CDH13: variants seen among roughly 807,000 people sequenced by gnomAD.
CDH13 encodes cadherin 13.
In CDH13, 24 loss-of-function variants were observed where a neutral mutation model predicts 63.8. That is an observed-to-expected ratio of 0.38 (90% confidence interval 0.27 to 0.53). The LOEUF (loss-of-function observed/expected upper bound fraction) is 0.53, where lower values mean the gene tolerates loss of function less well. Among genes scored for constraint, CDH13 ranks in the 20% least tolerant of loss-of-function variants. The pLI, the probability that CDH13 is intolerant of heterozygous loss-of-function variation, is 0.85. For missense variants in CDH13, 1,049 were observed against 903.1 expected, an observed-to-expected ratio of 1.16 and a Z score of -2.07; for synonymous variants, 503 against 355.3, an observed-to-expected ratio of 1.42 and a Z score of -4.67.
intron 2 of CDH13, among the ~76,000 whole-genome samples, chr16:82,983,413 A>T (rs1910539787): frequency 6.6e-6 from 1 of 152,112 alleles, no homozygotes; most frequent in Admixed American, 6.5e-5. Context: ...ATCTGAACTT[A>T]TATGTCATAG....
chr16:83,551,233 C>T (rs12926232), intron 7 of CDH13, among the ~76,000 whole-genome samples: 3,023 of 152,100 alleles, frequency 0.02, 116 homozygotes, highest in African/African-American at 0.069. Flanking sequence ...AGGTGTACAC[C>T]ACCACACCTG....
chr16:82,920,446 G>C (rs2042119399), intron 2 of CDH13, among the ~76,000 whole-genome samples: 1 of 152,204 alleles, frequency 6.6e-6, no homozygotes, highest in Admixed American at 6.5e-5. Flanking sequence ...AATCAGTGAT[G>C]TGGCCAACAA....
intron 3 of CDH13, among the ~76,000 whole-genome samples, chr16:83,106,733 C>T (rs1312998451): frequency 6.6e-6 from 1 of 152,136 alleles, no homozygotes; most frequent in Non-Finnish European, 1.5e-5. Context: ...ACTGCTCACA[C>T]CCTTCCACTT....
rs567361235 is a variant in CDH13, at chr16:82,947,443, A to T, written c.158-84567A>T. On this transcript the variant is annotated intron_variant, in intron 2 of 13. Coordinates refer to ENST00000567109, the MANE Select transcript of CDH13 (RefSeq NM_001257.5). ...AACGGAAATATTAGATCATGAAATC[A>T]GATATTATCCATACTTCTGTGTTAA... Among the ~76,000 whole-genome samples, 19 of 152,316 alleles carry T rather than the reference A, an allele frequency of 1.2e-4. No individual in the cohort carries two copies. In the South Asian group the frequency reaches 3.9e-3, roughly 32 times the overall value.
intron 5 of CDH13, among the ~76,000 whole-genome samples, chr16:83,271,910 G>C (rs1455840535): frequency 6.6e-6 from 1 of 152,170 alleles, no homozygotes; most frequent in Non-Finnish European, 1.5e-5. Context: ...AAACCTAAGT[G>C]ATCCATATGA....
At chr16:83,518,318 G>C (rs111797096) in intron 7 of CDH13, among the ~76,000 whole-genome samples, 7,318 of 151,114 alleles carry the variant, frequency 0.048, 605 homozygotes, top group African/African-American at 0.17. Flanking sequence ...TAATTTTTTT[G>C]TATTTTTTAG....
At chr16:83,015,650 A>C (rs1750039191) in intron 2 of CDH13, among the ~76,000 whole-genome samples, 1 of 100,210 alleles carries the variant, frequency 1.0e-5, no homozygotes, top group Non-Finnish European at 2.0e-5. Flanking sequence ...TTCAGCTTGC[A>C]GCATATATGT....
In CDH13 at chr16:83,086,518, C is replaced by T. The variant is rs201772450; in HGVS notation, c.367-38867C>T. Among the ~76,000 whole-genome samples the T allele has an allele frequency of 6.6e-5, 10 of 152,300 alleles. No homozygotes were observed. In the East Asian group the frequency reaches 1.4e-3, roughly 21 times the overall value. ...ATCCTTTATCAAGGATTGAGCCAAG[C>T]GGAATCCTTGTCTTTGTTAGTCCAA... On this transcript the variant is annotated intron_variant, in intron 3 of 13. Transcript: ENST00000567109.
At chr16:83,451,689 T>C (rs1368959224) in intron 6 of CDH13, among the ~76,000 whole-genome samples, 1 of 152,186 alleles carries the variant, frequency 6.6e-6, no homozygotes, top group Non-Finnish European at 1.5e-5. Flanking sequence ...AGCTAATTTT[T>C]TACTTTTTTG....
At chr16:83,556,127 T>G (rs568793429) in intron 7 of CDH13, among the ~76,000 whole-genome samples, 12 of 152,330 alleles carry the variant, frequency 7.9e-5, no homozygotes, top group Admixed American at 2.0e-4. Context: ...TCTTTCATGT[T>G]GTGTCTGCCT....
At chr16:83,734,453 A>G (rs1278235348) in intron 10 of CDH13, among the ~76,000 whole-genome samples, 3 of 152,078 alleles carry the variant, frequency 2.0e-5, no homozygotes, top group Non-Finnish European at 4.4e-5. Context: ...GAAATTGGAA[A>G]TCATCATTCT....
intron 1 of CDH13, among the ~76,000 whole-genome samples, chr16:82,689,982 T>C (rs1287624408): frequency 8.2e-4 from 13 of 15,776 alleles, no homozygotes; most frequent in African/African-American, 3.0e-3. Context: ...CCATCTCTAC[T>C]AAAAAAAAAA....
intron 8 of CDH13, among the ~76,000 whole-genome samples, chr16:83,632,084 G>C (rs879482491): frequency 6.6e-6 from 1 of 152,208 alleles, no homozygotes; most frequent in Non-Finnish European, 1.5e-5. Flanking sequence ...TGGATCCACA[G>C]AGTCTTAGAA....
At chr16:82,825,246 G>A (rs761893143) in intron 1 of CDH13, 6 of 152,166 alleles carry the variant, frequency 3.9e-5, no homozygotes, top group Non-Finnish European at 5.9e-5. Context: ...AGACAGCGCA[G>A]GCGTGTTTTA....
intron 1 of CDH13, among the ~76,000 whole-genome samples, chr16:82,808,869 T>C (rs1006240271): frequency 2.6e-5 from 4 of 152,202 alleles, no homozygotes; most frequent in African/African-American, 9.7e-5. Context: ...TTTTTACTAT[T>C]GTTTTTCATG....
intron 6 of CDH13, among the ~76,000 whole-genome samples, chr16:83,394,066 A>G (rs937129604): frequency 6.6e-6 from 1 of 152,150 alleles, no homozygotes; most frequent in African/African-American, 2.4e-5. Context: ...CACAGAAGGC[A>G]ACAATGAACA....
At chr16:82,975,305 C>T (rs147585358) in intron 2 of CDH13, among the ~76,000 whole-genome samples, 84 of 152,222 alleles carry the variant, frequency 5.5e-4, no homozygotes, top group Non-Finnish European at 8.2e-4. Context: ...AAAACCCGTG[C>T]GCCTTGTGAG....
At chr16:83,243,196 T>G (rs1168969261) in intron 5 of CDH13, among the ~76,000 whole-genome samples, 1 of 152,120 alleles carries the variant, frequency 6.6e-6, no homozygotes, top group African/African-American at 2.4e-5. Flanking sequence ...TTCTCTCATC[T>G]ATGGCTGTAC....
chr16:83,335,808 C>G (rs949507186), intron 5 of CDH13, among the ~76,000 whole-genome samples: 3 of 152,116 alleles, frequency 2.0e-5, no homozygotes, highest in Non-Finnish European at 2.9e-5. Context: ...CTCAATCGAT[C>G]ACGACCCTCT....
Sources: allele counts gnomAD v4.1 joint callset (sites outside exome capture counted in the v4.1 genomes callset), GRCh38; gene constraint gnomAD v4.1.1; transcripts MANE v1.5; gene names NCBI Gene and HGNC (gene_info 2026-07-23, HGNC 2026-07-21).